NPHP3: variants seen among roughly 807,000 people sequenced by gnomAD.
The protein encoded by NPHP3 is nephrocystin 3.
In NPHP3, 123 loss-of-function variants were observed where a neutral mutation model predicts 171.9. That is an observed-to-expected ratio of 0.72 (90% CI 0.62 to 0.83). The LOEUF is 0.83. Among genes scored for constraint, NPHP3 ranks in the 40% least tolerant of loss-of-function variants. The pLI is 0.00. For missense variants in NPHP3, 1,506 were observed against 1,591.9 expected (o/e 0.95, Z 0.92); for synonymous variants, 558 against 579.2 (o/e 0.96, Z 0.52).
Position 132,699,380 on chromosome 3 carries a change from T to C in NPHP3, c.1958A>G (p.Asn653Ser), listed in dbSNP as rs1296695203. 1.9e-6 allele frequency: 3 copies of C among 1,611,754 alleles called. No homozygotes were observed. In the African/African-American group the frequency reaches 4.0e-5, roughly 22 times the overall value. The change falls in exon 13 of 27, where the codon AAT becomes AGT. Residue 653 changes from asparagine to serine, a missense_variant. Physicochemically the swap from Asn to Ser is conservative, Grantham distance 46. This residue lies in a region of NPHP3 where 930 missense variants were observed against 924.9 expected (regional missense o/e 1.01). Coordinates refer to ENST00000337331, the MANE Select transcript of NPHP3 (RefSeq NM_153240.5). ...PVNVRVIVSV[N>S]VETCPPAWRL... ...CCATGCTGGAGGGCATGTTTCTACA[T>C]TCACAGAAACAATTACTCTTACATT...
chr3:132,708,073 G>A (rs1189180693), intron 7 of NPHP3, 28 bp downstream of exon 7: 1 of 1,611,748 alleles, frequency 6.2e-7, no homozygotes, highest in African/African-American at 1.3e-5. Context: ...AGCTAAGTGT[G>A]TTTTTCAAAA....
Position 132,699,988 on chromosome 3 carries a change from C to T in NPHP3, c.1817G>A (p.Trp606Ter), listed in dbSNP as rs182135982. 7.4e-6 allele frequency: 12 copies of T among 1,614,044 alleles called. No homozygotes were observed. The East Asian group carries it at 2.7e-4, about 36-fold the overall frequency. The change falls in exon 12 of 27, where the codon TGG becomes TAG. Residue 606 changes from tryptophan to a stop codon, truncating the protein, a stop_gained. Transcript: ENST00000337331. LOFTEE classifies it high-confidence loss of function. ...PAKLLEEFPR[W>*]LEKLSARHQG... ...ATGACGAGCAGAGAGTTTTTCCAGC[C>T]AACGTGGAAATTCTTCCAGAAGCTT...
chr3:132,696,846 A>C, intron 14 of NPHP3, 33 bp from the exon 15 acceptor site: 1 of 1,581,580 alleles, frequency 6.3e-7, no homozygotes, highest in Non-Finnish European at 8.7e-7. Context: ...ACAAAACAGA[A>C]ATACAAAAAC....
At chr3:132,702,750 TA>T (rs1939647547) in intron 9 of NPHP3, among the ~76,000 whole-genome samples, 1 of 152,204 alleles carries the variant, frequency 6.6e-6, no homozygotes, top group African/African-American at 2.4e-5. Flanking sequence ...ATTATATCTC[TA>T]AAGAATATAT....
chr3:132,717,573 T>G (rs1940087229), intron 3 of NPHP3, among the ~76,000 whole-genome samples: 1 of 152,128 alleles, frequency 6.6e-6, no homozygotes, highest in African/African-American at 2.4e-5. Flanking sequence ...GTGTTCCTTC[T>G]TCATGTTTAA....
Position 132,680,867 on chromosome 3 carries a change from A to G in NPHP3, c.*1043T>C, listed in dbSNP as rs1939006866. On this transcript the variant is annotated 3_prime_UTR_variant, in exon 27 of 27. Transcript: ENST00000337331. ...AGAGACAGATTTAGGCCATCTAAGA[A>G]GGAAGATAAAGGAGAATGTCATATC... 1 of 152,250 alleles carries G rather than the reference A, an allele frequency of 6.6e-6. No homozygotes were observed. Among genetic ancestry groups the G allele is most frequent in the Admixed American group, 6.5e-5 (1 of 15,284 alleles). 9.4% of individuals were successfully genotyped at this position (152,250 alleles called of 1,614,324 possible).
rs190078821 is a variant in NPHP3, at chr3:132,684,898, C to G, written c.3330-104G>C. ...ACTGACTCATCTTTATTCTTAGATT[C>G]TAGTTAAAATAAGAGATTCAGCTCA... On this transcript the variant is annotated intron_variant, in intron 23 of 26. Coordinates refer to ENST00000337331, the MANE Select transcript of NPHP3 (RefSeq NM_153240.5). The G allele has an allele frequency of 5.1e-4, 700 of 1,364,850 alleles. 4 individuals are homozygous for G. Among genetic ancestry groups the G allele is most frequent in the Non-Finnish European group, 1.4e-4 (134 of 974,592 alleles). 84.5% of individuals were successfully genotyped at this position (1,364,850 alleles called of 1,614,324 possible).
intron 22 of NPHP3, 84 bp downstream of exon 22, chr3:132,687,067 C>T: frequency 1.4e-6 from 1 of 697,214 alleles, no homozygotes; most frequent in Non-Finnish European, 2.6e-6. Flanking sequence ...AAATCTAAAG[C>T]TCTTAAACAT....
Position 132,721,958 on chromosome 3 carries a change from G to C in NPHP3, c.393+5C>G. ...TCCCGGCGTCGCGGCCCAGCCCGGC[G>C]TTACCTGCAGTTCGGCCCGCAGCCG... On this transcript the variant is annotated splice_donor_5th_base_variant and intron_variant, in intron 1 of 26. Coordinates refer to ENST00000337331, the MANE Select transcript of NPHP3 (RefSeq NM_153240.5). 1 of 1,612,244 alleles carries C rather than the reference G, an allele frequency of 6.2e-7. No individual in the cohort carries two copies. Among genetic ancestry groups the C allele is most frequent in the Non-Finnish European group, 8.5e-7 (1 of 1,179,790 alleles).
intron 8 of NPHP3, among the ~76,000 whole-genome samples, chr3:132,705,517 C>T (rs1044469201): frequency 3.3e-5 from 5 of 152,188 alleles, no homozygotes; most frequent in African/African-American, 1.2e-4. Flanking sequence ...GGTATTGAAG[C>T]ATCAAATAGT....
chr3:132,683,533 C>CTTTTTGT lies in NPHP3; in HGVS notation c.3571-10_3571-9insACAAAAA. 1.9e-6 allele frequency: 3 copies of CTTTTTGT among 1,609,734 alleles called. No homozygotes were observed. Among genetic ancestry groups the CTTTTTGT allele is most frequent in the Non-Finnish European group, 2.5e-6 (3 of 1,176,744 alleles). ...GCTTTGTCAAGTTTCCCCTAAAAAA[C>CTTTTTGT]AAGAGTTAAATCTAACAAAAATATA... On this transcript the variant is annotated splice_polypyrimidine_tract_variant and intron_variant, in intron 24 of 26. Coordinates refer to ENST00000337331, the MANE Select transcript of NPHP3 (RefSeq NM_153240.5).
intron 6 of NPHP3, among the ~76,000 whole-genome samples, chr3:132,709,325 C>T (rs1939846789): frequency 7.5e-6 from 1 of 133,436 alleles, no homozygotes; most frequent in South Asian, 2.5e-4. Context: ...CTCTGTCACC[C>T]AGCCTGGTGT....
intron 21 of NPHP3, among the ~76,000 whole-genome samples, 153 bp from the exon 22 acceptor site, chr3:132,687,379 TA>T (rs1169814313): frequency 1.3e-5 from 2 of 152,144 alleles, no homozygotes; most frequent in Non-Finnish European, 2.9e-5. Flanking sequence ...TAAGAATCTC[TA>T]AAAACCCTTT....
Position 132,684,663 on chromosome 3 carries a change from G to A in NPHP3, c.3461C>T (p.Ala1154Val), listed in dbSNP as rs1939110738. 5 of 1,613,914 alleles carry A rather than the reference G, an allele frequency of 3.1e-6. No homozygotes were observed. The South Asian group carries it at 5.5e-5, about 18-fold the overall frequency. ...LCNEKKQYDK[A>V]EELYERALDI... ...TAAAGCTCTTTCATAAAGTTCTTCT[G>A]CTTTATCATACTGTTTCTTTTCATT... is the stretch of plus-strand genomic sequence containing the variant. Residue 1154 changes from alanine to valine, a missense_variant, in exon 24 of 27, where the codon GCA becomes GTA. Coordinates refer to ENST00000337331, the MANE Select transcript of NPHP3 (RefSeq NM_153240.5).
intron 15 of NPHP3, among the ~76,000 whole-genome samples, chr3:132,696,310 A>G (rs1939452495): frequency 8.2e-6 from 1 of 121,412 alleles, no homozygotes; most frequent in Non-Finnish European, 1.6e-5. Flanking sequence ...CTAAAATAGA[A>G]CTATTTTTAT....
intron 5 of NPHP3, among the ~76,000 whole-genome samples, chr3:132,714,662 T>A (rs1940001591): frequency 6.6e-6 from 1 of 152,200 alleles, no homozygotes; most frequent in Admixed American, 6.6e-5. Context: ...TCACGAGTTT[T>A]AGGCTACAGT....
At chr3:132,686,524 A>G in intron 22 of NPHP3, 137 bp from the exon 23 acceptor site, 1 of 912,544 alleles carries the variant, frequency 1.1e-6, no homozygotes, top group East Asian at 2.7e-5. Context: ...GCATCACACT[A>G]AATTAACTTG....
chr3:132,711,052 T>C (rs950424735), intron 6 of NPHP3, among the ~76,000 whole-genome samples: 1 of 152,260 alleles, frequency 6.6e-6, no homozygotes, highest in Admixed American at 6.5e-5. Flanking sequence ...GTGGATACCA[T>C]CTGCACACAG....
rs747661475 is a variant in NPHP3 at position 132,686,294 on chromosome 3, G to C, written c.3295C>G (p.Leu1099Val). ...TPDNARTLNELGVLYYLQNNL... is the reference protein window; with the variant it reads ...TPDNARTLNEVGVLYYLQNNL... ...TTTTGAAGATAGTAGAGAACACCCA[G>C]TTCATTGAGGGTCCGAGCATTATCA... The change falls in exon 23 of 27, where the codon CTG (leucine) becomes GTG (valine). Residue 1099 changes from leucine (L) to valine (V), a missense_variant. Transcript: ENST00000337331. The C allele has an allele frequency of 1.2e-6, 2 of 1,613,782 alleles. No individual in the cohort carries two copies. The highest frequency in any genetic ancestry group is 1.7e-5 in the Admixed American group (1 of 60,026).
Sources: gnomAD v4.1 joint callset for allele counts (sites outside exome capture counted in the v4.1 genomes callset) on GRCh38, gnomAD v4.1.1 for gene constraint, gnomAD v4.1.1 regional missense constraint, MANE v1.5 for transcripts, NCBI Gene and HGNC (gene_info 2026-07-23, HGNC 2026-07-21) for gene names.